The following REDIC1 variants were observed in gnomAD, a reference collection of about 807,000 sequenced individuals.
REDIC1 encodes HEI10 Interacting Protein 1.
chr12:39,724,315 C>A, the REDIC1 span, among the ~76,000 whole-genome samples: 1 of 152,060 alleles, frequency 6.6e-6, no homozygotes, highest in Non-Finnish European at 1.5e-5. Flanking sequence ...GTGGAACCCA[C>A]CCCCAAATTA....
the REDIC1 span, among the ~76,000 whole-genome samples, chr12:39,808,797 G>T: frequency 1.3e-5 from 2 of 151,966 alleles, no homozygotes; most frequent in Non-Finnish European, 2.9e-5. Flanking sequence ...TAAGTTGTAA[G>T]AATTCTTTAT....
chr12:39,716,752 T>A, the REDIC1 span: 1 of 1,592,076 alleles, frequency 6.3e-7, no homozygotes, highest in Admixed American at 1.7e-5. Flanking sequence ...ACCTTTATTT[T>A]CAGCTCTTGA....
At chr12:39,702,394 A>G in the REDIC1 span, among the ~76,000 whole-genome samples, 1 of 152,226 alleles carries the variant, frequency 6.6e-6, no homozygotes, top group African/African-American at 2.4e-5. Context: ...GAAGAAGTTG[A>G]ATCCCTGAAT....
At chr12:39,653,522 TTC>T in the REDIC1 span, among the ~76,000 whole-genome samples, 1 of 58,122 alleles carries the variant, frequency 1.7e-5, no homozygotes, top group Non-Finnish European at 4.4e-5. Flanking sequence ...CTTCTTCTTC[TTC>T]TTCTTCTTCT....
At chr12:39,896,751 T>C in the REDIC1 span, among the ~76,000 whole-genome samples, 2 of 152,084 alleles carry the variant, frequency 1.3e-5, no homozygotes, top group Admixed American at 6.5e-5. Context: ...TTGCAGTTTC[T>C]ATTATATTTT....
the REDIC1 span, chr12:39,755,949 C>G: frequency 6.6e-6 from 1 of 151,930 alleles, no homozygotes; most frequent in Non-Finnish European, 1.5e-5. Context: ...TCTAAAGAGA[C>G]AAGATACAAG....
At chr12:39,851,270 T>C in the REDIC1 span, among the ~76,000 whole-genome samples, 3 of 152,152 alleles carry the variant, frequency 2.0e-5, no homozygotes, top group Non-Finnish European at 4.4e-5. Flanking sequence ...ATGGACAAAT[T>C]AGAAAAACGC....
chr12:39,900,793 C>T, the REDIC1 span, among the ~76,000 whole-genome samples: 1 of 152,172 alleles, frequency 6.6e-6, no homozygotes, highest in Non-Finnish European at 1.5e-5. Flanking sequence ...AATGCCATCC[C>T]CATCAGGCTA....
the REDIC1 span, among the ~76,000 whole-genome samples, chr12:39,737,141 T>C: frequency 1.3e-5 from 2 of 152,212 alleles, no homozygotes; most frequent in East Asian, 1.9e-4. Context: ...TTTTCCACAA[T>C]TGATACTCAA....
At chr12:39,760,953 A>AACACACACACACACACAC in the REDIC1 span, among the ~76,000 whole-genome samples, 2,548 of 101,570 alleles carry the variant, frequency 0.025, 128 homozygotes, top group African/African-American at 0.054. Context: ...GTCTCTACCA[A>AACACACACACACACACAC]ACACACACAC....
At chr12:39,744,697 GT>G in the REDIC1 span, among the ~76,000 whole-genome samples, 1 of 151,946 alleles carries the variant, frequency 6.6e-6, no homozygotes, top group Admixed American at 6.6e-5. Flanking sequence ...AATAAATAGT[GT>G]AAATAAATAA....
chr12:39,896,533 T>TATGTATGTGTGTATACATGTATAC, the REDIC1 span, among the ~76,000 whole-genome samples: 1 of 141,372 alleles, frequency 7.1e-6, no homozygotes, highest in African/African-American at 2.8e-5. Flanking sequence ...TGTATACATG[T>TATGTATGTGTGTATACATGTATAC]ATGTATGTAT....
the REDIC1 span, among the ~76,000 whole-genome samples, chr12:39,894,698 A>T: frequency 2.0e-5 from 3 of 152,372 alleles, no homozygotes; most frequent in South Asian, 6.2e-4. Flanking sequence ...GATATGATCA[A>T]TCATTAAGTT....
chr12:39,712,671 G>A, the REDIC1 span, among the ~76,000 whole-genome samples: 1 of 126,280 alleles, frequency 7.9e-6, no homozygotes, highest in African/African-American at 3.0e-5. Flanking sequence ...ATGTATACAT[G>A]TGTATATATG....
the REDIC1 span, chr12:39,647,970 A>G: frequency 1.3e-6 from 2 of 1,542,886 alleles, no homozygotes; most frequent in Non-Finnish European, 1.7e-6. Context: ...AAAAAGCAGA[A>G]TGACCAGGTA....
the REDIC1 span, among the ~76,000 whole-genome samples, chr12:39,838,213 T>C: frequency 6.6e-6 from 1 of 151,012 alleles, no homozygotes; most frequent in Admixed American, 6.6e-5. Flanking sequence ...AAATTGGAAA[T>C]CATCATTCTC....
chr12:39,692,065 G>T, the REDIC1 span: 1 of 1,578,512 alleles, frequency 6.3e-7, no homozygotes, highest in South Asian at 1.2e-5. Context: ...ATGGAAGAAG[G>T]AGGAATATAT....
chr12:39,745,485 A>T, the REDIC1 span, among the ~76,000 whole-genome samples: 1 of 152,212 alleles, frequency 6.6e-6, no homozygotes, highest in Non-Finnish European at 1.5e-5. Context: ...AATAGGGGTA[A>T]TAATAGTGTT....
At chr12:39,854,393 T>A in the REDIC1 span, among the ~76,000 whole-genome samples, 1 of 152,212 alleles carries the variant, frequency 6.6e-6, no homozygotes, top group Non-Finnish European at 1.5e-5. Flanking sequence ...CTTAGAATTA[T>A]GCCCCCTCCA....
Sources: gnomAD v4.1 joint callset for allele counts (sites outside exome capture counted in the v4.1 genomes callset) on GRCh38, gnomAD v4.1.1 for gene constraint, MANE v1.5 for transcripts, NCBI Gene and HGNC (gene_info 2026-07-23, HGNC 2026-07-21) for gene names.